The following LIPK variants were observed in gnomAD, a reference collection of about 807,000 sequenced individuals.
The protein encoded by LIPK is lipase family member K.
Under a neutral mutation model 48.6 loss-of-function variants are expected in LIPK, and 32 were observed. That is an observed-to-expected ratio of 0.66 (90% CI 0.50 to 0.88). The LOEUF is 0.88. Ranked by LOEUF, LIPK falls within the 40% of genes least tolerant of loss-of-function variation. The pLI is 0.00. For synonymous variants in LIPK, 164 were observed against 157.4 expected, an observed-to-expected ratio of 1.04 and a Z score of -0.32; for missense variants, 507 against 478.5, an observed-to-expected ratio of 1.06 and a Z score of -0.56.
intron 6 of LIPK, among the ~76,000 whole-genome samples, chr10:88,736,570 A>C (rs894959981): frequency 6.6e-6 from 1 of 152,258 alleles, no homozygotes; most frequent in Non-Finnish European, 1.5e-5. Context: ...AAAAGGCAGG[A>C]TCTGACTTTA....
At chr10:88,713,087 G>A (rs963065026) in intron 1 of LIPK, among the ~76,000 whole-genome samples, 1 of 152,070 alleles carries the variant, frequency 6.6e-6, no homozygotes. Flanking sequence ...ATAGAGAGGT[G>A]GTTACATCTG....
chr10:88,732,277 C>T lies in LIPK; in HGVS notation c.522C>T (p.Gly174=). Residue 174 remains glycine, a synonymous_variant, in exon 5 of 10, where the codon GGC becomes GGT. Transcript: ENST00000404190. ...TCTACTACGTGGGCCACTCACAAGG[C>T]ACCACCATAGGTGTGTTTGGGGCAG... is the stretch of plus-strand genomic sequence containing the variant. ...KRLYYVGHSQ[G]TTIAFIAFST... 6.2e-7 allele frequency: 1 copy of T among 1,613,312 alleles called. No homozygotes were observed. Among genetic ancestry groups the T allele is most frequent in the Non-Finnish European group, 8.5e-7 (1 of 1,179,508 alleles).
intron 9 of LIPK, among the ~76,000 whole-genome samples, chr10:88,747,072 T>C (rs1381837533): frequency 2.6e-5 from 4 of 152,116 alleles, no homozygotes; most frequent in South Asian, 4.2e-4. Flanking sequence ...CAGGAAGCAA[T>C]TGAAATCCTA....
At chr10:88,742,353 C>G (rs1283822800) in intron 8 of LIPK, among the ~76,000 whole-genome samples, 1 of 152,140 alleles carries the variant, frequency 6.6e-6, no homozygotes, top group Non-Finnish European at 1.5e-5. Flanking sequence ...AGACTGCTGC[C>G]TCTCTGAATA....
intron 1 of LIPK, among the ~76,000 whole-genome samples, chr10:88,723,556 T>C (rs1291532517): frequency 1.3e-5 from 2 of 152,192 alleles, no homozygotes; most frequent in African/African-American, 4.8e-5. Flanking sequence ...TGCTTTAAAC[T>C]TAAGTAGTTT....
At chr10:88,722,647 A>G (rs903845264) in intron 1 of LIPK, among the ~76,000 whole-genome samples, 1 of 152,146 alleles carries the variant, frequency 6.6e-6, no homozygotes, top group African/African-American at 2.4e-5. Context: ...GAAAAACACT[A>G]ATTAGACACA....
At chr10:88,718,663 A>G (rs1270553474) in intron 1 of LIPK, among the ~76,000 whole-genome samples, 1 of 152,050 alleles carries the variant, frequency 6.6e-6, no homozygotes, top group African/African-American at 2.4e-5. Flanking sequence ...AACTATCTTC[A>G]TAAGGGGTAG....
chr10:88,728,728 G>C, intron 3 of LIPK: 1 of 305,356 alleles, frequency 3.3e-6, no homozygotes, highest in South Asian at 3.1e-5. Flanking sequence ...GGCTACCCAG[G>C]TGGGCTGGGC....
chr10:88,748,979 A>G (rs184654567), intron 9 of LIPK, among the ~76,000 whole-genome samples: 1 of 152,218 alleles, frequency 6.6e-6, no homozygotes, highest in Admixed American at 6.5e-5. Flanking sequence ...AAAATCAGTA[A>G]CAATGTCCAA....
At chr10:88,752,310 G>A (rs1365482357) in intron 9 of LIPK, among the ~76,000 whole-genome samples, 1 of 152,024 alleles carries the variant, frequency 6.6e-6, no homozygotes. Flanking sequence ...TACAATAATT[G>A]AATTGTTTTT....
chr10:88,749,832 G>A (rs1386211618), intron 9 of LIPK, among the ~76,000 whole-genome samples: 1 of 119,056 alleles, frequency 8.4e-6, no homozygotes, highest in Non-Finnish European at 1.8e-5. Context: ...AAGAGCTTTT[G>A]AATAGCAAAA....
chr10:88,742,173 T>A (rs407922), intron 8 of LIPK, among the ~76,000 whole-genome samples: 119,148 of 152,108 alleles, frequency 0.78, 47,585 homozygotes, highest in East Asian at 1. Flanking sequence ...TGATTCAGTC[T>A]CCTCCCACCA....
intron 2 of LIPK, 114 bp downstream of exon 2, chr10:88,724,762 CTG>C: frequency 6.0e-6 from 4 of 666,256 alleles, no homozygotes; most frequent in Non-Finnish European, 7.6e-6. Context: ...GTGACTAAGT[CTG>C]TGCTTCCTCT....
intron 1 of LIPK, among the ~76,000 whole-genome samples, chr10:88,710,156 A>T (rs1842002815): frequency 6.6e-6 from 1 of 152,002 alleles, no homozygotes; most frequent in African/African-American, 2.4e-5. Flanking sequence ...TTTATTTTAA[A>T]ATTCTCTTGT....
At chr10:88,727,972 C>T in intron 3 of LIPK, 1 of 333,924 alleles carries the variant, frequency 3.0e-6, no homozygotes, top group South Asian at 2.9e-5. Context: ...TCTGCGGCAG[C>T]TGGACACATG....
chr10:88,721,593 C>T (rs1310275038), intron 1 of LIPK, among the ~76,000 whole-genome samples: 1 of 152,180 alleles, frequency 6.6e-6, no homozygotes, highest in African/African-American at 2.4e-5. Flanking sequence ...TATCCTTGTG[C>T]CATCCCTTGG....
intron 8 of LIPK, among the ~76,000 whole-genome samples, chr10:88,742,792 T>C (rs1842702968): frequency 6.6e-6 from 1 of 151,980 alleles, no homozygotes; most frequent in African/African-American, 2.4e-5. Context: ...GGATAGGGAA[T>C]ATAATCATAA....
intron 6 of LIPK, among the ~76,000 whole-genome samples, chr10:88,735,998 C>T (rs1842563508): frequency 6.6e-6 from 1 of 152,098 alleles, no homozygotes; most frequent in Non-Finnish European, 1.5e-5. Context: ...GGTTTCAGAA[C>T]AGAGATTATC....
intron 8 of LIPK, among the ~76,000 whole-genome samples, chr10:88,740,504 T>C (rs80088627): frequency 0.016 from 2,437 of 152,316 alleles, 67 homozygotes; most frequent in African/African-American, 0.056. Flanking sequence ...TTAAAATGGA[T>C]TTATGGCTTA....
Sources: allele counts gnomAD v4.1 joint callset (sites outside exome capture counted in the v4.1 genomes callset), GRCh38; gene constraint gnomAD v4.1.1; transcripts MANE v1.5; gene names NCBI Gene and HGNC (gene_info 2026-07-23, HGNC 2026-07-21).